Variants in RGS7 observed in about 807,000 individuals in gnomAD.
RGS7 encodes regulator of G-protein signaling 7.
In RGS7, 27 loss-of-function variants were observed where a neutral mutation model predicts 81.1. The ratio of observed to expected loss-of-function variants is 0.33; its 90% CI spans 0.25 to 0.46. The LOEUF (loss-of-function observed/expected upper bound fraction) is 0.46, where lower values mean the gene tolerates loss of function less well. Among genes scored for constraint, RGS7 ranks in the 20% least tolerant of loss-of-function variants. The probability of loss-of-function intolerance (pLI) is 1.00; values close to 1 mark genes in which losing one functional copy is unlikely to be tolerated. For missense variants in RGS7, 396 were observed against 607.4 expected, an observed-to-expected ratio of 0.65 and a Z score of 3.66; for synonymous variants, 208 against 207.7, an observed-to-expected ratio of 1.00 and a Z score of -0.01.
At chr1:241,212,059 T>C (rs2074272513) in intron 2 of RGS7, among the ~76,000 whole-genome samples, 4 of 151,764 alleles carry the variant, frequency 2.6e-5, no homozygotes, top group South Asian at 2.1e-4. Flanking sequence ...AATTATTATA[T>C]GTATTCATTT....
intron 2 of RGS7, among the ~76,000 whole-genome samples, chr1:241,239,766 G>A (rs2148129891): frequency 6.6e-6 from 1 of 152,282 alleles, no homozygotes; most frequent in South Asian, 2.1e-4. Flanking sequence ...CAGATCTCCT[G>A]AGTCAGAAAT....
chr1:240,951,108 T>C (rs1173579163), intron 4 of RGS7, among the ~76,000 whole-genome samples: 4 of 152,090 alleles, frequency 2.6e-5, no homozygotes, highest in Non-Finnish European at 5.9e-5. Flanking sequence ...TTTGCGGAGA[T>C]GGGGTCTCAC....
intron 2 of RGS7, among the ~76,000 whole-genome samples, chr1:241,291,866 GC>G (rs1388301767): frequency 6.6e-6 from 1 of 152,126 alleles, no homozygotes; most frequent in African/African-American, 2.4e-5. Context: ...GAGCCACCAT[GC>G]CCAGCCAGAA....
chr1:241,043,795 A>T (rs577902546), intron 3 of RGS7, among the ~76,000 whole-genome samples: 38 of 152,028 alleles, frequency 2.5e-4, no homozygotes, highest in African/African-American at 8.4e-4. Flanking sequence ...ATTATAAGTA[A>T]TCTAGAGATG....
chr1:241,174,395 A>T lies in RGS7; in HGVS notation c.79-75633T>A, dbSNP rs7514324. Among the ~76,000 whole-genome samples, 1,050 of 152,334 alleles carry T rather than the reference A, an allele frequency of 6.9e-3. 6 individuals carry two copies. Among genetic ancestry groups the T allele is most frequent in the African/African-American group, 0.024 (994 of 41,572 alleles). ...CAAAGTGTGATTTTGTCAGAGATTAATGCTTCTGTTCCCAATACCAAGTAA... is the reference window on the plus strand; with the variant it reads ...CAAAGTGTGATTTTGTCAGAGATTATTGCTTCTGTTCCCAATACCAAGTAA... On this transcript the variant is annotated intron_variant, in intron 2 of 18. Coordinates refer to ENST00000440928, the MANE Select transcript of RGS7 (RefSeq NM_001364886.1).
At chr1:241,073,923 TAG>T (rs1413892730) in intron 3 of RGS7, among the ~76,000 whole-genome samples, 16 of 151,014 alleles carry the variant, frequency 1.1e-4, no homozygotes, top group Non-Finnish European at 1.9e-4. Context: ...TTTTTTTTGA[TAG>T]AGTCTTGCTT....
At position 240,845,784 on chromosome 1, in the gene RGS7, A is replaced by G. The variant is rs77428381; in HGVS notation, c.610-18612T>C. On this transcript the variant is annotated intron_variant, in intron 9 of 18. Coordinates refer to ENST00000440928, the MANE Select transcript of RGS7 (RefSeq NM_001364886.1). ...TTGTTCTCTTACATTTTGTAGAAAG[A>G]AATCCAGGTGGCATGCATTTAACAT... 7.5e-3 allele frequency among the ~76,000 whole-genome samples: 1,137 copies of G among 152,360 alleles called. 14 individuals are homozygous for G. The highest frequency in any genetic ancestry group is 0.025 in the African/African-American group (1,046 of 41,580).
At chr1:241,028,540 G>A (rs562329789) in intron 3 of RGS7, among the ~76,000 whole-genome samples, 93 of 152,214 alleles carry the variant, frequency 6.1e-4, no homozygotes, top group Admixed American at 4.8e-3. Context: ...CTGAGATGCC[G>A]GTGAAACAGG....
chr1:241,218,811 AT>A (rs372610236), intron 2 of RGS7, among the ~76,000 whole-genome samples: 2 of 149,266 alleles, frequency 1.3e-5, no homozygotes, highest in East Asian at 2.0e-4. Context: ...CACCTGGCTA[AT>A]TTTTTTTTTG....
chr1:241,209,525 G>A (rs2074121888), intron 2 of RGS7, among the ~76,000 whole-genome samples: 1 of 152,080 alleles, frequency 6.6e-6, no homozygotes, highest in South Asian at 2.1e-4. Flanking sequence ...ACCAAGCACT[G>A]TTCTAATAAT....
intron 13 of RGS7, among the ~76,000 whole-genome samples, chr1:240,812,560 G>A (rs1371122719): frequency 2.7e-5 from 4 of 150,830 alleles, no homozygotes; most frequent in Admixed American, 6.6e-5. Context: ...TCAGCCTCCC[G>A]GGTAGCTGGT....
chr1:241,302,304 C>T (rs1443425083), intron 2 of RGS7, among the ~76,000 whole-genome samples: 2 of 152,182 alleles, frequency 1.3e-5, no homozygotes, highest in Non-Finnish European at 2.9e-5. Flanking sequence ...AATCCCAGCA[C>T]TTTGGGAGGC....
At chr1:240,954,138 G>A (rs2341019) in intron 4 of RGS7, among the ~76,000 whole-genome samples, 141,054 of 152,026 alleles carry the variant, frequency 0.93, 65,554 homozygotes, top group Admixed American at 0.96. Flanking sequence ...AAAAAGCAAT[G>A]GGCCTAGATA....
At chr1:240,999,132 C>T (rs1687751883) in intron 3 of RGS7, among the ~76,000 whole-genome samples, 1 of 152,000 alleles carries the variant, frequency 6.6e-6, no homozygotes, top group Non-Finnish European at 1.5e-5. Flanking sequence ...TTGATGTTGT[C>T]CTTTTCAGTC....
chr1:241,090,009 AAAAG>A (rs1275804711), intron 3 of RGS7, among the ~76,000 whole-genome samples: 2 of 151,330 alleles, frequency 1.3e-5, no homozygotes, highest in African/African-American at 2.4e-5. Flanking sequence ...AAAAAAAAAA[AAAAG>A]AGAGAGAGAA....
At chr1:240,795,687 G>A (rs1045332593) in intron 18 of RGS7, among the ~76,000 whole-genome samples, 6 of 151,804 alleles carry the variant, frequency 4.0e-5, no homozygotes, top group African/African-American at 1.5e-4. Context: ...AAAATTACAG[G>A]GCATATCCAT....
chr1:241,019,695 T>C (rs1010871082), intron 3 of RGS7, among the ~76,000 whole-genome samples: 2 of 152,224 alleles, frequency 1.3e-5, no homozygotes, highest in Non-Finnish European at 2.9e-5. Flanking sequence ...CTCATCCTTG[T>C]TTTATGGCTG....
chr1:240,854,824 G>T (rs114725706), intron 9 of RGS7, among the ~76,000 whole-genome samples: 3,219 of 152,138 alleles, frequency 0.021, 113 homozygotes, highest in African/African-American at 0.071. Context: ...CGGCCTACAC[G>T]GGTTGTTCTG....
chr1:240,784,013 T>TA (rs71172645), intron 18 of RGS7, among the ~76,000 whole-genome samples: 10,129 of 83,290 alleles, frequency 0.12, 719 homozygotes, highest in African/African-American at 0.14. Flanking sequence ...CTGTCTCTAC[T>TA]AAAAAAAAAA....
Sources: gnomAD v4.1 joint callset for allele counts (sites outside exome capture counted in the v4.1 genomes callset) on GRCh38, gnomAD v4.1.1 for gene constraint, MANE v1.5 for transcripts, NCBI Gene and HGNC (gene_info 2026-07-23, HGNC 2026-07-21) for gene names.